Variants in KANSL3 observed in about 807,000 individuals in gnomAD.
KANSL3 encodes the protein NSL complex protein NSL3.
Under a neutral mutation model 89.2 loss-of-function variants are expected in KANSL3, and 16 were observed. That is an observed-to-expected ratio of 0.18 (90% CI 0.12 to 0.27). The LOEUF is 0.27. Among genes scored for constraint, KANSL3 ranks in the 10% least tolerant of loss-of-function variants. KANSL3 has a pLI of 1.00. For missense variants in KANSL3, 879 were observed against 1,110.6 expected, an observed-to-expected ratio of 0.79 and a Z score of 2.96; for synonymous variants, 385 against 419.7, an observed-to-expected ratio of 0.92 and a Z score of 1.01.
Position 96,601,682 on chromosome 2 carries a change from G to T in KANSL3, c.2577C>A (p.Ser859=). 1 of 1,613,442 alleles carries T rather than the reference G, an allele frequency of 6.2e-7. No homozygotes were observed. Among genetic ancestry groups the T allele is most frequent in the South Asian group, 1.1e-5 (1 of 90,960 alleles). The change falls in exon 20 of 21, where the codon TCC becomes TCA. Residue 859 remains serine (S), a synonymous_variant. Transcript: ENST00000431828. The part of the protein sequence containing the change: ...LSPMGSGAAP[S]EESSSQVLPS... ...GCAGCACCTGGGAAGAGGACTCCTC[G>T]GATGGGGCTGCTCCTGAGCCCATAG...
chr2:96,612,736 C>T (rs2069230240), intron 7 of KANSL3, 82 bp downstream of exon 7: 2 of 1,238,190 alleles, frequency 1.6e-6, no homozygotes, highest in Admixed American at 2.0e-5. Flanking sequence ...CCCATTTTGA[C>T]CTCCTCCCAC....
In KANSL3 at chr2:96,609,109, G is replaced by A. The variant is rs1400601423; in HGVS notation, c.1384-45C>T. 4.7e-6 allele frequency: 7 copies of A among 1,490,970 alleles called. No homozygotes were observed. The East Asian group carries it at 1.5e-4, about 31-fold the overall frequency. 92.4% of individuals were successfully genotyped at this position (1,490,970 alleles called of 1,614,324 possible). ...ACCAAGGCCTTTTAGTCCTCATCTG[G>A]AGAATGGGAACCTCTCATATACTTT... On this transcript the variant is annotated intron_variant, in intron 12 of 20. Transcript: ENST00000431828.
chr2:96,624,574 C>T (rs1309522839), intron 3 of KANSL3, among the ~76,000 whole-genome samples: 9 of 152,078 alleles, frequency 5.9e-5, no homozygotes, highest in African/African-American at 2.2e-4. Flanking sequence ...CAGGCTGGAG[C>T]GCAATGGCGT....
At chr2:96,586,448 A>G in the KANSL3 span, among the ~76,000 whole-genome samples, 1 of 152,146 alleles carries the variant, frequency 6.6e-6, no homozygotes, top group Admixed American at 6.6e-5. Flanking sequence ...TCTGTCTTTA[A>G]TTATAATGTG....
At chr2:96,619,326 C>G (rs889985968) in intron 5 of KANSL3, 33 bp downstream of exon 5, 8 of 1,582,308 alleles carry the variant, frequency 5.1e-6, no homozygotes, top group Non-Finnish European at 6.9e-6. Flanking sequence ...ATGGCTATCC[C>G]TAGGACAGGG....
At position 96,602,697 on chromosome 2, in the gene KANSL3, A is replaced by G. The variant is rs185981114; in HGVS notation, c.2259+56T>C. On this transcript the variant is annotated intron_variant, in intron 18 of 20. Transcript: ENST00000431828. ...CTAGTTTCCCTGCCAAAACCAACTA[A>G]GCTGAGGAGGCCTCCTCCCTACACC... 5,573 of 1,419,646 alleles carry G rather than the reference A, an allele frequency of 3.9e-3. 423 individuals carry two copies. In the Admixed American group the frequency reaches 0.12, roughly 30 times the overall value. The allele number at this position is 1,419,646 out of a possible 1,614,324, so 87.9% of individuals were successfully genotyped here. A position where few individuals can be genotyped will look rare whatever the true frequency, so the allele number is the denominator to read the frequency against.
intron 2 of KANSL3, among the ~76,000 whole-genome samples, chr2:96,632,664 A>G (rs1486507857): frequency 6.6e-6 from 1 of 152,180 alleles, no homozygotes; most frequent in Non-Finnish European, 1.5e-5. Flanking sequence ...AATGGAGAAA[A>G]GTGGCTAACA....
At position 96,619,341 on chromosome 2, in the gene KANSL3, C is replaced by A. The variant is rs769387065; in HGVS notation, c.663+18G>T. 2 of 1,601,272 alleles carry A rather than the reference C, an allele frequency of 1.2e-6. No homozygotes were observed. The highest frequency in any genetic ancestry group is 1.7e-5 in the Admixed American group (1 of 59,124). On this transcript the variant is annotated intron_variant, in intron 5 of 20. Coordinates refer to ENST00000431828, the MANE Select transcript of KANSL3 (RefSeq NM_001115016.3). ...ATGGCTATCCCTAGGACAGGGCAGA[C>A]CCCAATCACAGCCTTACCTTCCCCT...
intron 6 of KANSL3, 32 bp downstream of exon 6, chr2:96,613,456 A>G: frequency 6.4e-7 from 1 of 1,569,088 alleles, no homozygotes; most frequent in South Asian, 1.2e-5. Context: ...ATTTTTATGT[A>G]CCATTGTTAA....
At chr2:96,615,165 C>CAAAAAAAAAAAAAAAAAAAAAAAAAAAAA (rs35960339) in intron 5 of KANSL3, 7 of 83,010 alleles carry the variant, frequency 8.4e-5, no homozygotes, top group Middle Eastern at 6.8e-3. Flanking sequence ...GAGACTGTCT[C>CAAAAAAAAAAAAAAAAAAAAAAAAAAAAA]AAAAAAAAAA....
intron 5 of KANSL3, among the ~76,000 whole-genome samples, chr2:96,618,267 T>C (rs923861188): frequency 1.3e-4 from 19 of 151,958 alleles, no homozygotes; most frequent in African/African-American, 4.3e-4. Context: ...CAGGCTGGAG[T>C]GCAGTGGTGG....
intron 3 of KANSL3, 93 bp from the exon 4 acceptor site, chr2:96,619,855 G>A (rs904907406): frequency 1.4e-5 from 14 of 1,011,030 alleles, no homozygotes; most frequent in Non-Finnish European, 2.1e-5. Context: ...ATAGTTTTAT[G>A]TCTCTGCTAG....
At chr2:96,613,118 C>T (rs1224773603) in intron 6 of KANSL3, among the ~76,000 whole-genome samples, 184 bp from the exon 7 acceptor site, 1 of 152,194 alleles carries the variant, frequency 6.6e-6, no homozygotes, top group East Asian at 1.9e-4. Context: ...CTGGCTCACA[C>T]CTGCAATCCC....
At chr2:96,608,083 A>C (rs1266238545) in intron 14 of KANSL3, among the ~76,000 whole-genome samples, 1 of 152,226 alleles carries the variant, frequency 6.6e-6, no homozygotes, top group Non-Finnish European at 1.5e-5. Context: ...AACTTCACTG[A>C]AAGTCTCAGT....
Position 96,601,650 on chromosome 2 carries a change from C to A in KANSL3, c.2609G>T (p.Ser870Ile), listed in dbSNP as rs776669209. ...EESSSQVLPS[S>I]SQRLPPAP ...CCTTCCTGGCAGACTCACCTGTGAG[C>A]TGGAGGGCAGCACCTGGGAAGAGGA... is the stretch of plus-strand genomic sequence containing the variant. Residue 870 changes from serine (S) to isoleucine (I), a missense_variant, in exon 20 of 21, where the codon AGC becomes ATC. Ser to Ile is a moderately radical substitution (Grantham distance 142). Around this residue, in one of 6 missense-constraint regions of KANSL3, gnomAD observed 61 missense variants for 61.7 expected, o/e 0.99. Transcript: ENST00000431828. The A allele has an allele frequency of 1.2e-6, 2 of 1,613,392 alleles. No individual in the cohort carries two copies. Among genetic ancestry groups the A allele is most frequent in the African/African-American group, 2.7e-5 (2 of 74,926 alleles).
chr2:96,632,582 C>T (rs1228384677), intron 2 of KANSL3, among the ~76,000 whole-genome samples: 2 of 152,186 alleles, frequency 1.3e-5, no homozygotes, highest in African/African-American at 4.8e-5. Flanking sequence ...AGAAGACCAG[C>T]TAGGCAGCCA....
chr2:96,626,243 C>G (rs141092980), intron 3 of KANSL3, among the ~76,000 whole-genome samples: 142 of 151,112 alleles, frequency 9.4e-4, no homozygotes, highest in African/African-American at 3.3e-3. Flanking sequence ...AGAAGTCAAA[C>G]AAGGAGACAC....
At position 96,610,762 on chromosome 2, in the gene KANSL3, C is replaced by G. The variant is rs1022076391; in HGVS notation, c.1283G>C (p.Ser428Thr). ...ATCAGCTCCCCCAACCACCACCAAG[C>G]TGTTCTCAGCTCGAATCTTCTCCCG... is the stretch of plus-strand genomic sequence containing the variant. ...DFREKIRAEN[S>T]LVVVGGADDN... The change falls in exon 11 of 21, where the codon AGC (serine) becomes ACC (threonine). Residue 428 changes from serine (S) to threonine (T), a missense_variant. Physicochemically the swap from Ser to Thr is moderately conservative, Grantham distance 58 (BLOSUM62 1). Transcript: ENST00000431828. 3 of 1,613,936 alleles carry G rather than the reference C, an allele frequency of 1.9e-6. No homozygotes were observed. In the African/African-American group the frequency reaches 4.0e-5, roughly 22 times the overall value.
chr2:96,615,934 T>C (rs2070010759), intron 5 of KANSL3, among the ~76,000 whole-genome samples: 1 of 152,140 alleles, frequency 6.6e-6, no homozygotes. Flanking sequence ...ACTGCTATGA[T>C]TCAAACCACC....
Sources: gnomAD v4.1 joint callset for allele counts (sites outside exome capture counted in the v4.1 genomes callset) on GRCh38, gnomAD v4.1.1 for gene constraint, gnomAD v4.1.1 regional missense constraint, MANE v1.5 for transcripts, NCBI Gene and HGNC (gene_info 2026-07-23, HGNC 2026-07-21) for gene names.